The following CYB5R4 variants were observed in gnomAD, a reference collection of about 807,000 sequenced individuals.
The protein encoded by CYB5R4 is cytochrome b5 reductase 4.
CYB5R4 carries 55 observed loss-of-function variants against 70.2 expected under a neutral mutation model. The ratio of observed to expected loss-of-function variants is 0.78; its 90% confidence interval spans 0.63 to 0.98. The LOEUF (loss-of-function observed/expected upper bound fraction) is 0.98, where lower values mean the gene tolerates loss of function less well. CYB5R4 is among the 50% of genes least tolerant of loss of function. CYB5R4 has a pLI of 0.00. For synonymous variants in CYB5R4, 197 were observed against 199.5 expected (o/e 0.99, Z 0.11); for missense variants, 562 against 612.6 (o/e 0.92, Z 0.87).
intron 15 of CYB5R4, among the ~76,000 whole-genome samples, chr6:83,957,578 C>T (rs931988144): frequency 9.7e-5 from 14 of 145,020 alleles, no homozygotes; most frequent in Non-Finnish European, 1.9e-4. Flanking sequence ...GCCAGGATCG[C>T]GCCATTGCAC....
At chr6:83,885,935 A>G (rs543561928) in intron 2 of CYB5R4, among the ~76,000 whole-genome samples, 5 of 152,346 alleles carry the variant, frequency 3.3e-5, no homozygotes, top group African/African-American at 7.2e-5. Flanking sequence ...AAACGTGTAC[A>G]TGAATGTTAA....
intron 3 of CYB5R4, among the ~76,000 whole-genome samples, chr6:83,897,150 A>G (rs900836076): frequency 6.6e-6 from 1 of 151,270 alleles, no homozygotes; most frequent in Non-Finnish European, 1.5e-5. Flanking sequence ...TATGAGTGAG[A>G]ACATGCGGTG....
At chr6:83,901,223 A>C (rs1449018418) in intron 3 of CYB5R4, among the ~76,000 whole-genome samples, 1 of 152,100 alleles carries the variant, frequency 6.6e-6, no homozygotes. Flanking sequence ...TCACTTATGA[A>C]GCTTAGTTTG....
chr6:83,915,742 G>C (rs190084198), intron 5 of CYB5R4, among the ~76,000 whole-genome samples: 81 of 152,246 alleles, frequency 5.3e-4, no homozygotes, highest in Admixed American at 5.2e-3. Context: ...TTTATTAGCT[G>C]CTTTTCCCTT....
intron 8 of CYB5R4, among the ~76,000 whole-genome samples, 178 bp downstream of exon 8, chr6:83,921,353 C>A (rs188703115): frequency 6.6e-6 from 1 of 152,112 alleles, no homozygotes; most frequent in Non-Finnish European, 1.5e-5. Context: ...TAGCAAGTGG[C>A]GGTGTGACCT....
chr6:83,945,279 G>T (rs549555013), intron 14 of CYB5R4, among the ~76,000 whole-genome samples: 1 of 152,130 alleles, frequency 6.6e-6, no homozygotes, highest in South Asian at 2.1e-4. Context: ...ACTCAAAACC[G>T]CACAACTACG....
At chr6:83,948,172 T>G (rs974606920) in intron 14 of CYB5R4, among the ~76,000 whole-genome samples, 4 of 152,152 alleles carry the variant, frequency 2.6e-5, no homozygotes, top group African/African-American at 2.4e-5. Context: ...CATTACACCA[T>G]GGAATACTAT....
At position 83,893,551 on chromosome 6, in the gene CYB5R4, G is replaced by A; in HGVS notation, c.259G>A (p.Glu87Lys). Residue 87 changes from glutamate to lysine, a missense_variant, in exon 3 of 16, where the codon GAG (glutamate) becomes AAG (lysine). Transcript: ENST00000369681. The part of the protein sequence containing the change: ...GFVYNVSPYM[E>K]YHPGGEDELM... ...CGTTTATAATGTCAGCCCTTATATG[G>A]AGTATCATCCTGGTGGAGAAGATGA... 6.2e-7 allele frequency: 1 copy of A among 1,612,418 alleles called. No homozygotes were observed. Among genetic ancestry groups the A allele is most frequent in the Admixed American group, 1.7e-5 (1 of 59,918 alleles).
chr6:83,881,750 T>C (rs28459427), intron 2 of CYB5R4, among the ~76,000 whole-genome samples: 2 of 152,340 alleles, frequency 1.3e-5, no homozygotes, highest in Non-Finnish European at 2.9e-5. Context: ...TATTTATCCT[T>C]TACAGCCATT....
chr6:83,881,972 G>A (rs1383303093), intron 2 of CYB5R4, among the ~76,000 whole-genome samples: 1 of 152,094 alleles, frequency 6.6e-6, no homozygotes, highest in Non-Finnish European at 1.5e-5. Flanking sequence ...TTATTGCCGA[G>A]TGCTCTAAAA....
intron 2 of CYB5R4, among the ~76,000 whole-genome samples, chr6:83,884,858 A>C (rs2099460003): frequency 6.6e-6 from 1 of 152,178 alleles, no homozygotes; most frequent in South Asian, 2.1e-4. Flanking sequence ...TTGTTGAATG[A>C]ATATAATGTG....
intron 1 of CYB5R4, 87 bp from the exon 2 acceptor site, chr6:83,864,088 G>A: frequency 8.5e-7 from 1 of 1,176,150 alleles, no homozygotes; most frequent in Non-Finnish European, 1.2e-6. Context: ...AGGATTTATA[G>A]AAGTGTTAGA....
chr6:83,942,869 C>G (rs2099469978), intron 14 of CYB5R4, among the ~76,000 whole-genome samples: 1 of 152,082 alleles, frequency 6.6e-6, no homozygotes, highest in Non-Finnish European at 1.5e-5. Context: ...TAAGCAGAGC[C>G]CACCACAGCA....
intron 2 of CYB5R4, among the ~76,000 whole-genome samples, chr6:83,882,989 CAAAG>C (rs2129131937): frequency 6.6e-6 from 1 of 151,930 alleles, no homozygotes; most frequent in East Asian, 1.9e-4. Context: ...AGCAAACAAA[CAAAG>C]GAAAGTATGG....
In CYB5R4 at chr6:83,900,660, G is replaced by T. The variant is rs552636345; in HGVS notation, c.330+7038G>T. Among the ~76,000 whole-genome samples, 471 of 152,250 alleles carry T rather than the reference G, an allele frequency of 3.1e-3. 3 individuals carry two copies. The highest frequency in any genetic ancestry group is 0.011 in the African/African-American group (452 of 41,536). ...ATGAATCTGGGTGCTCCTGTATTGG[G>T]TGCATATATATTTAGGATAGTTAGC... On this transcript the variant is annotated intron_variant, in intron 3 of 15. Coordinates refer to ENST00000369681, the MANE Select transcript of CYB5R4 (RefSeq NM_016230.4).
rs1412833774 is a variant in CYB5R4 at position 83,963,888 on chromosome 6, T to C, written c.*4010T>C. 1 of 158,760 alleles carries C rather than the reference T, an allele frequency of 6.3e-6. No homozygotes were observed. The highest frequency in any genetic ancestry group is 1.4e-5 in the Non-Finnish European group (1 of 72,732). 9.8% of individuals were successfully genotyped at this position (158,760 alleles called of 1,614,324 possible). On this transcript the variant is annotated 3_prime_UTR_variant, in exon 16 of 16. Transcript: ENST00000369681. Reference sequence around the variant, plus strand: ...TGAATCATGGGGGCAGTTTCCCTCATACTGTTCTCATGGTAGTGAATAACT... The same window carrying C: ...TGAATCATGGGGGCAGTTTCCCTCACACTGTTCTCATGGTAGTGAATAACT...
intron 14 of CYB5R4, among the ~76,000 whole-genome samples, chr6:83,946,031 C>G (rs2099470559): frequency 5.3e-5 from 8 of 152,122 alleles, no homozygotes. Flanking sequence ...TGAAACTATT[C>G]CAAACAGTAG....
At chr6:83,923,294 T>C (rs1200108530) in intron 9 of CYB5R4, among the ~76,000 whole-genome samples, 1 of 152,186 alleles carries the variant, frequency 6.6e-6, no homozygotes. Flanking sequence ...TTTCAAGTAC[T>C]GTCATGGTAC....
intron 2 of CYB5R4, among the ~76,000 whole-genome samples, chr6:83,868,768 G>A (rs1291678557): frequency 6.6e-6 from 1 of 152,126 alleles, no homozygotes; most frequent in Non-Finnish European, 1.5e-5. Context: ...CTTCTGTCAA[G>A]CCTAGATCAG....
Sources: allele counts gnomAD v4.1 joint callset (sites outside exome capture counted in the v4.1 genomes callset), GRCh38; gene constraint gnomAD v4.1.1; transcripts MANE v1.5; gene names NCBI Gene and HGNC (gene_info 2026-07-23, HGNC 2026-07-21).